The following GNPAT variants were observed in gnomAD, a reference collection of about 807,000 sequenced individuals.
The protein encoded by GNPAT is glyceronephosphate O-acyltransferase.
A neutral mutation model predicts 78.4 loss-of-function variants in GNPAT; 30 were observed. That is an observed-to-expected ratio of 0.38 (90% CI 0.29 to 0.52). The LOEUF (loss-of-function observed/expected upper bound fraction) is 0.52, where lower values mean the gene tolerates loss of function less well. GNPAT is among the 20% of genes least tolerant of loss of function. The pLI is 0.84. For synonymous variants in GNPAT, 271 were observed against 281.1 expected (o/e 0.96, Z 0.36); for missense variants, 714 against 812.2 (o/e 0.88, Z 1.47).
intron 10 of GNPAT, among the ~76,000 whole-genome samples, chr1:231,271,530 A>C (rs985401574): frequency 3.3e-5 from 5 of 152,224 alleles, no homozygotes; most frequent in Non-Finnish European, 7.3e-5. Context: ...GCCCCACCCC[A>C]AAGTTTCTTC....
chr1:231,267,401 GTATCC>G (rs1478307078), intron 8 of GNPAT, among the ~76,000 whole-genome samples: 1 of 152,178 alleles, frequency 6.6e-6, no homozygotes, highest in Non-Finnish European at 1.5e-5. Flanking sequence ...GAGAAACGAT[GTATCC>G]TATTTAGGAA....
intron 1 of GNPAT, among the ~76,000 whole-genome samples, chr1:231,249,298 CTA>C (rs1389451301): frequency 3.3e-5 from 5 of 152,176 alleles, no homozygotes; most frequent in Non-Finnish European, 5.9e-5. Flanking sequence ...TATAGTCTCT[CTA>C]TATATGGACA....
At chr1:231,263,264 A>G (rs1685274082) in intron 4 of GNPAT, among the ~76,000 whole-genome samples, 1 of 152,224 alleles carries the variant, frequency 6.6e-6, no homozygotes, top group African/African-American at 2.4e-5. Context: ...GTTCAGTGGC[A>G]TTAAGTACAT....
chr1:231,252,848 C>T (rs1002422495), intron 2 of GNPAT, among the ~76,000 whole-genome samples: 1 of 152,110 alleles, frequency 6.6e-6, no homozygotes, highest in Non-Finnish European at 1.5e-5. Flanking sequence ...TAACATTTGA[C>T]GCTGCCTCTT....
intron 10 of GNPAT, among the ~76,000 whole-genome samples, chr1:231,271,989 A>G (rs1685581699): frequency 6.6e-6 from 1 of 152,192 alleles, no homozygotes; most frequent in African/African-American, 2.4e-5. Flanking sequence ...AATCCCAGCT[A>G]CTTGGGAGGC....
chr1:231,267,708 A>C lies in GNPAT; in HGVS notation c.1084A>C (p.Met362Leu). ...CATTCCTCAGAAACAGTCTGAGGACATGCATGCCTTTGTCACTGAAGTTGC... is the reference window on the plus strand; with the variant it reads ...CATTCCTCAGAAACAGTCTGAGGACCTGCATGCCTTTGTCACTGAAGTTGC... The part of the protein sequence containing the change: ...RYIPQKQSED[M>L]HAFVTEVAYK... Residue 362 changes from methionine (M) to leucine (L), a missense_variant, in exon 9 of 16, where the codon ATG becomes CTG. Transcript: ENST00000366647. The C allele has an allele frequency of 6.2e-7, 1 of 1,604,046 alleles. No homozygotes were observed.
chr1:231,275,831 A>T (rs1685697189), intron 14 of GNPAT, among the ~76,000 whole-genome samples: 1 of 152,214 alleles, frequency 6.6e-6, no homozygotes, highest in Non-Finnish European at 1.5e-5. Context: ...CACATAATAC[A>T]TATATAGATA....
intron 1 of GNPAT, among the ~76,000 whole-genome samples, chr1:231,249,935 G>A (rs899399195): frequency 1.3e-5 from 2 of 152,044 alleles, no homozygotes; most frequent in Non-Finnish European, 2.9e-5. Context: ...GAATGGCAGG[G>A]GCTGAATAAG....
rs1226683732 is a variant in GNPAT, at chr1:231,260,517, A to T, written c.272A>T (p.Glu91Val). 1.9e-6 allele frequency: 3 copies of T among 1,607,204 alleles called. No homozygotes were observed. Among genetic ancestry groups the T allele is most frequent in the East Asian group, 2.2e-5 (1 of 44,842 alleles). ...IHYVIKQLSK[E>V]SLQSVDVLRE... ...TTCCTTTCCTTTTAGCTTTCCAAGG[A>T]ATCCCTTCAATCTGTGGATGTCCTC... Residue 91 changes from glutamate (E) to valine (V), a missense_variant, in exon 3 of 16, where the codon GAA (glutamate) becomes GTA (valine). Transcript: ENST00000366647.
chr1:231,262,380 T>C (rs1374614105), intron 3 of GNPAT, among the ~76,000 whole-genome samples: 1 of 152,264 alleles, frequency 6.6e-6, no homozygotes, highest in East Asian at 1.9e-4. Flanking sequence ...AGCTAAGGCT[T>C]AGACCTTGTT....
Position 231,241,246 on chromosome 1 carries a change from G to C in GNPAT, c.-133G>C, listed in dbSNP as rs1482331380. On this transcript the variant is annotated 5_prime_UTR_variant, in exon 1 of 16. Transcript: ENST00000366647. ...CTGAGATGGCGGCGCCCGGGATCCT[G>C]TGTAGCGGCTGCAGAGGGTGCCGCC... The C allele has an allele frequency of 1.4e-6, 2 of 1,460,082 alleles. No homozygotes were observed. Among genetic ancestry groups the C allele is most frequent in the Admixed American group, 1.7e-5 (1 of 59,606 alleles). The allele number at this position is 1,460,082 out of a possible 1,614,324, so 90.4% of individuals were successfully genotyped here.
intron 4 of GNPAT, among the ~76,000 whole-genome samples, chr1:231,264,294 C>A (rs1043057720): frequency 6.6e-6 from 1 of 152,194 alleles, no homozygotes; most frequent in African/African-American, 2.4e-5. Flanking sequence ...AAGGGTCCAA[C>A]TTCATGTCTA....
intron 9 of GNPAT, among the ~76,000 whole-genome samples, chr1:231,268,174 G>A (rs1252340902): frequency 1.3e-5 from 2 of 152,074 alleles, no homozygotes; most frequent in African/African-American, 4.8e-5. Flanking sequence ...GTGGTGGTAG[G>A]CGCCTGTAGT....
intron 4 of GNPAT, among the ~76,000 whole-genome samples, chr1:231,264,155 G>A (rs372509182): frequency 6.6e-6 from 1 of 152,112 alleles, no homozygotes; most frequent in Non-Finnish European, 1.5e-5. Flanking sequence ...GTATCAGATC[G>A]AAGAAATCAT....
In GNPAT at chr1:231,266,172, G is replaced by C; in HGVS notation, c.924+7G>C. 1 of 1,613,254 alleles carries C rather than the reference G, an allele frequency of 6.2e-7. No individual in the cohort carries two copies. Among genetic ancestry groups the C allele is most frequent in the South Asian group, 1.1e-5 (1 of 91,034 alleles). On this transcript the variant is annotated splice_region_variant and intron_variant, in intron 7 of 15. Transcript: ENST00000366647. ...ACCAAAAGAGTCTACAACTGTACGT[G>C]AGCTTGATTTTAGCTTAATTGAGAG...
chr1:231,277,752 CTA>C lies in GNPAT; in HGVS notation c.*212_*213del, dbSNP rs1436099135. ...GGTTAAAAGGCGTTTGTATCTGACA[CTA>C]TGTGTGTGTTTTAAAATAAACTTTT... On this transcript the variant is annotated 3_prime_UTR_variant, in exon 16 of 16. Coordinates refer to ENST00000366647, the MANE Select transcript of GNPAT (RefSeq NM_014236.4). 7 of 544,670 alleles carry C rather than the reference CTA, an allele frequency of 1.3e-5. No individual in the cohort carries two copies. The highest frequency in any genetic ancestry group is 6.4e-5 in the Admixed American group (2 of 31,308). 33.7% of individuals were successfully genotyped at this position (544,670 alleles called of 1,614,324 possible).
At chr1:231,256,761 C>T (rs1170632862) in intron 2 of GNPAT, among the ~76,000 whole-genome samples, 1 of 152,202 alleles carries the variant, frequency 6.6e-6, no homozygotes, top group Non-Finnish European at 1.5e-5. Context: ...GCTGGGATTA[C>T]AGGCGTGAGC....
rs1218928293 is a variant in GNPAT, at chr1:231,249,032, A to G, written c.79-1929A>G. On this transcript the variant is annotated intron_variant, in intron 1 of 15. Coordinates refer to ENST00000366647, the MANE Select transcript of GNPAT (RefSeq NM_014236.4). The stretch of plus-strand genomic sequence containing the variant: ...AGTGCATGACTGTATATGTGTATAC[A>G]TATATCCCCAGCTGATTCTGATCCT... 2.6e-5 allele frequency among the ~76,000 whole-genome samples: 4 copies of G among 152,242 alleles called. No homozygotes were observed. In the South Asian group the frequency reaches 6.2e-4, roughly 24 times the overall value.
In GNPAT at chr1:231,251,062, T is replaced by C. The variant is rs775397251; in HGVS notation, c.180T>C (p.Tyr60=). The change falls in exon 2 of 16, where the codon TAT becomes TAC. Residue 60 remains tyrosine (Y), a synonymous_variant. Coordinates refer to ENST00000366647, the MANE Select transcript of GNPAT (RefSeq NM_014236.4). Reference sequence around the variant, plus strand: ...TGAAATGCTACACACCTCTTGTCTATAAGGGAATTACTCCATGTAAACCAA... The same window carrying C: ...TGAAATGCTACACACCTCTTGTCTACAAGGGAATTACTCCATGTAAACCAA... ...FAMKCYTPLV[Y]KGITPCKPID... is the part of the protein sequence containing the mutation. The C allele has an allele frequency of 3.1e-6, 5 of 1,592,850 alleles. No homozygotes were observed. The Admixed American group carries it at 5.0e-5, about 16-fold the overall frequency.
Sources: gnomAD v4.1 joint callset for allele counts (sites outside exome capture counted in the v4.1 genomes callset) on GRCh38, gnomAD v4.1.1 for gene constraint, MANE v1.5 for transcripts, NCBI Gene and HGNC (gene_info 2026-07-23, HGNC 2026-07-21) for gene names.